DNAI7: variants seen among roughly 807,000 people sequenced by gnomAD.
DNAI7 encodes dynein axonemal intermediate chain 7.
In DNAI7, 78 loss-of-function variants were observed where a neutral mutation model predicts 86.6. The observed-to-expected ratio is 0.90, with a 90% CI of 0.75 to 1.09. DNAI7 has a LOEUF of 1.09. Ranked by LOEUF, DNAI7 falls within the 50% of genes least tolerant of loss-of-function variation. The pLI is 0.00. For synonymous variants in DNAI7, 274 were observed against 273.0 expected (o/e 1.00, Z -0.04); for missense variants, 753 against 810.2 (o/e 0.93, Z 0.86).
At chr12:25,164,573 C>T (rs1008679302) in intron 2 of DNAI7, among the ~76,000 whole-genome samples, 7 of 152,152 alleles carry the variant, frequency 4.6e-5, no homozygotes, top group Non-Finnish European at 7.3e-5. Context: ...ATGGCAGTTT[C>T]AATTTTTCCA....
At chr12:25,113,943 T>TTTG (rs1319951810) in intron 13 of DNAI7, among the ~76,000 whole-genome samples, 8 of 81,612 alleles carry the variant, frequency 9.8e-5, no homozygotes, top group African/African-American at 2.9e-4. Context: ...TCTGGGTTTT[T>TTTG]TTTTTTTTTT....
chr12:25,113,341 G>A (rs550363008), intron 13 of DNAI7, among the ~76,000 whole-genome samples: 53 of 152,114 alleles, frequency 3.5e-4, no homozygotes, highest in African/African-American at 1.0e-3. Flanking sequence ...TTGCTCTGTC[G>A]CCCAGGCTGG....
In DNAI7 at chr12:25,154,395, G is replaced by C. The variant is rs144557090; in HGVS notation, c.362C>G (p.Thr121Arg). The change falls in exon 6 of 16, where the codon ACG becomes AGG. Residue 121 changes from threonine (T) to arginine (R), a missense_variant. Coordinates refer to ENST00000395987, the MANE Select transcript of DNAI7 (RefSeq NM_018272.5). The stretch of plus-strand genomic sequence containing the variant: ...TTTCTCTTTCCACAAACTAATAAAC[G>C]TGTTCATTTCTTGGGCTACTGAAGG... ...PDPSVAQEMNTFISLWKEKTN... is the reference protein window; with the variant it reads ...PDPSVAQEMNRFISLWKEKTN... 1.2e-6 allele frequency: 2 copies of C among 1,610,556 alleles called. No homozygotes were observed. Among genetic ancestry groups the C allele is most frequent in the Non-Finnish European group, 1.7e-6 (2 of 1,178,616 alleles).
chr12:25,125,520 C>T (rs149981551), intron 9 of DNAI7, among the ~76,000 whole-genome samples: 33 of 152,218 alleles, frequency 2.2e-4, no homozygotes, highest in Non-Finnish European at 3.4e-4. Flanking sequence ...TAGACCTTTG[C>T]CAGATGCATA....
intron 9 of DNAI7, among the ~76,000 whole-genome samples, chr12:25,144,136 T>C (rs1241111766): frequency 6.6e-6 from 1 of 152,120 alleles, no homozygotes; most frequent in East Asian, 1.9e-4. Context: ...AATATAAAAA[T>C]AAGCAATTCC....
At chr12:25,159,595 A>G (rs1467924156) in intron 3 of DNAI7, among the ~76,000 whole-genome samples, 2 of 152,250 alleles carry the variant, frequency 1.3e-5, no homozygotes, top group East Asian at 1.9e-4. Context: ...GGCAATGAAG[A>G]GGAAGTCAAG....
rs151112097 is a variant in DNAI7, at chr12:25,126,486, T to C, written c.1003-3200A>G. ...AACCAGGGCCACTAGAAGGAGCTTA[T>C]AGGAGAGATGATAAGGAATTAAAAG... On this transcript the variant is annotated intron_variant, in intron 9 of 15. Coordinates refer to ENST00000395987, the MANE Select transcript of DNAI7 (RefSeq NM_018272.5). 5.1e-4 allele frequency among the ~76,000 whole-genome samples: 78 copies of C among 152,034 alleles called. No homozygotes were observed. The East Asian group carries it at 0.014, about 27-fold the overall frequency.
intron 13 of DNAI7, among the ~76,000 whole-genome samples, chr12:25,114,282 A>G (rs921843472): frequency 1.3e-5 from 2 of 152,192 alleles, no homozygotes; most frequent in African/African-American, 4.8e-5. Context: ...GGGATCATTC[A>G]GAGAGAAACC....
intron 6 of DNAI7, among the ~76,000 whole-genome samples, chr12:25,152,793 T>A (rs1945710820): frequency 6.6e-6 from 1 of 152,186 alleles, no homozygotes; most frequent in Admixed American, 6.5e-5. Flanking sequence ...GAAGGACACT[T>A]CAGTAGGAAT....
chr12:25,177,776 T>C (rs1949110217), intron 2 of DNAI7, among the ~76,000 whole-genome samples: 1 of 152,188 alleles, frequency 6.6e-6, no homozygotes, highest in African/African-American at 2.4e-5. Context: ...AAATTTACAC[T>C]CCCACAATTA....
intron 2 of DNAI7, among the ~76,000 whole-genome samples, chr12:25,175,961 T>C (rs907373488): frequency 3.3e-5 from 5 of 151,902 alleles, no homozygotes; most frequent in Non-Finnish European, 2.9e-5. Flanking sequence ...GCACCTATAA[T>C]CCCAGCTACT....
At chr12:25,140,709 A>AT (rs1944082347) in intron 9 of DNAI7, among the ~76,000 whole-genome samples, 1 of 151,574 alleles carries the variant, frequency 6.6e-6, no homozygotes, top group Admixed American at 6.6e-5. Flanking sequence ...TAGAAAAAAA[A>AT]ATCCTAAAAT....
chr12:25,121,690 G>T, intron 11 of DNAI7, 63 bp downstream of exon 11: 2 of 1,315,120 alleles, frequency 1.5e-6, no homozygotes, highest in Non-Finnish European at 2.1e-6. Context: ...TAGATAATAT[G>T]AAATAAAGTA....
chr12:25,157,253 G>A (rs1172224383), intron 4 of DNAI7, among the ~76,000 whole-genome samples: 1 of 142,804 alleles, frequency 7.0e-6, no homozygotes, highest in Non-Finnish European at 1.5e-5. Context: ...ACTCCAGCCT[G>A]GGCGACAGAG....
chr12:25,127,280 A>G (rs1240227657), intron 9 of DNAI7, among the ~76,000 whole-genome samples: 2 of 152,134 alleles, frequency 1.3e-5, no homozygotes, highest in African/African-American at 4.8e-5. Flanking sequence ...ATAATGTATA[A>G]GCTTTATATA....
At chr12:25,148,784 C>T (rs1945159821) in intron 7 of DNAI7, among the ~76,000 whole-genome samples, 1 of 152,148 alleles carries the variant, frequency 6.6e-6, no homozygotes, top group Non-Finnish European at 1.5e-5. Context: ...AGCCTCTTAG[C>T]TAACGGCATC....
At chr12:25,146,974 C>T (rs1243386370) in intron 8 of DNAI7, 27 bp downstream of exon 8, 2 of 1,140,910 alleles carry the variant, frequency 1.8e-6, no homozygotes, top group Admixed American at 3.5e-5. Flanking sequence ...TTTCCACCTA[C>T]AGGGAAAGTA....
chr12:25,151,384 G>A (rs1945522797), intron 6 of DNAI7, among the ~76,000 whole-genome samples: 1 of 152,180 alleles, frequency 6.6e-6, no homozygotes, highest in Non-Finnish European at 1.5e-5. Flanking sequence ...ATTTCCTTCT[G>A]TTACTGCTAT....
intron 12 of DNAI7, among the ~76,000 whole-genome samples, chr12:25,118,601 G>A (rs1051740744): frequency 4.6e-5 from 7 of 151,498 alleles, no homozygotes; most frequent in Admixed American, 2.0e-4. Flanking sequence ...TCACTCTGTC[G>A]CCCAGGATGG....
Sources: gnomAD v4.1 joint callset for allele counts (sites outside exome capture counted in the v4.1 genomes callset) on GRCh38, gnomAD v4.1.1 for gene constraint, MANE v1.5 for transcripts, NCBI Gene and HGNC (gene_info 2026-07-23, HGNC 2026-07-21) for gene names.